CA10: variants seen among roughly 807,000 people sequenced by gnomAD.
CA10 encodes the protein carbonic anhydrase 10 (inactive), also known as carbonic anhydrase-related protein 10.
In CA10, 14 loss-of-function variants were observed where a neutral mutation model predicts 44.2. That is an observed-to-expected ratio of 0.32 (90% confidence interval 0.21 to 0.50). CA10 has a LOEUF of 0.50. Ranked by LOEUF, CA10 falls within the 20% of genes least tolerant of loss-of-function variation. The pLI, the probability that CA10 is intolerant of heterozygous loss-of-function variation, is 0.99. For missense variants in CA10, 350 were observed against 409.7 expected, an observed-to-expected ratio of 0.85 and a Z score of 1.26; for synonymous variants, 159 against 141.6, an observed-to-expected ratio of 1.12 and a Z score of -0.87.
intron 3 of CA10, among the ~76,000 whole-genome samples, chr17:51,774,453 T>G (rs1448391674): frequency 1.3e-5 from 2 of 151,738 alleles, no homozygotes; most frequent in African/African-American, 4.8e-5. Context: ...GTCTTTTTTT[T>G]TTTTGAGGTG....
intron 3 of CA10, among the ~76,000 whole-genome samples, chr17:51,896,874 G>T (rs1425551834): frequency 6.6e-6 from 1 of 152,016 alleles, no homozygotes; most frequent in African/African-American, 2.4e-5. Flanking sequence ...TTGGCCATGT[G>T]TATGTCTTCT....
intron 4 of CA10, among the ~76,000 whole-genome samples, chr17:51,742,554 C>A (rs374789915): frequency 5.9e-5 from 9 of 152,152 alleles, no homozygotes; most frequent in African/African-American, 2.2e-4. Flanking sequence ...TAATTGATTC[C>A]TGGAAGAGGA....
chr17:51,995,942 T>C lies in CA10; in HGVS notation c.137-64810A>G, dbSNP rs959435037. Among the ~76,000 whole-genome samples the C allele has an allele frequency of 3.3e-5, 5 of 152,004 alleles. No individual in the cohort carries two copies. In the East Asian group the frequency reaches 9.7e-4, roughly 29 times the overall value. Reference sequence around the variant, plus strand: ...TCTCTCAATCAACTTCCCATCATTCTCTCTGGAGTCTTCAGAACTCACTAT... The same window carrying C: ...TCTCTCAATCAACTTCCCATCATTCCCTCTGGAGTCTTCAGAACTCACTAT... On this transcript the variant is annotated intron_variant, in intron 2 of 8. Coordinates refer to ENST00000451037, the MANE Select transcript of CA10 (RefSeq NM_020178.5).
intron 3 of CA10, among the ~76,000 whole-genome samples, chr17:51,872,102 T>A (rs1033236349): frequency 4.6e-5 from 7 of 152,178 alleles, no homozygotes; most frequent in Non-Finnish European, 8.8e-5. Flanking sequence ...AACAGCACGT[T>A]AAAGACAGAG....
intron 3 of CA10, among the ~76,000 whole-genome samples, chr17:51,805,325 A>G (rs960474067): frequency 2.0e-5 from 3 of 152,242 alleles, no homozygotes; most frequent in Non-Finnish European, 2.9e-5. Context: ...TGATTGAGTA[A>G]AAGTCTCTCC....
chr17:51,822,422 CAAAACAAAAACAAAAACA>C (rs138516693), intron 3 of CA10, among the ~76,000 whole-genome samples: 1 of 150,430 alleles, frequency 6.6e-6, no homozygotes, highest in Admixed American at 6.6e-5. Context: ...CTCAAAAAAA[CAAAACAAAAACAAAAACA>C]AAAACAAAAA....
chr17:51,686,086 G>GGC (rs1255522155), intron 4 of CA10, among the ~76,000 whole-genome samples: 2 of 113,066 alleles, frequency 1.8e-5, no homozygotes, highest in African/African-American at 9.6e-5. Context: ...ATCATGGGTC[G>GGC]GGGGGGGCGT....
At chr17:52,025,174 AAT>A (rs1401763598) in intron 2 of CA10, among the ~76,000 whole-genome samples, 1 of 152,088 alleles carries the variant, frequency 6.6e-6, no homozygotes, top group Non-Finnish European at 1.5e-5. Context: ...ACTGCTTTTA[AAT>A]ATGTTTTCTA....
intron 1 of CA10, among the ~76,000 whole-genome samples, chr17:52,096,488 G>A (rs1988404450): frequency 6.6e-6 from 1 of 152,112 alleles, no homozygotes; most frequent in Admixed American, 6.6e-5. Flanking sequence ...AATTGGCTCT[G>A]AGGACAGAGC....
At chr17:51,881,927 G>A (rs562927783) in intron 3 of CA10, among the ~76,000 whole-genome samples, 9 of 152,246 alleles carry the variant, frequency 5.9e-5, no homozygotes, top group African/African-American at 2.2e-4. Context: ...TATCCTATTG[G>A]AATGCTTGCT....
At position 52,113,012 on chromosome 17, in the gene CA10, C is replaced by A. The variant is rs139337258; in HGVS notation, c.62-40619G>T. 1.4e-3 allele frequency among the ~76,000 whole-genome samples: 210 copies of A among 152,328 alleles called. 1 individual carries two copies. Among genetic ancestry groups the A allele is most frequent in the African/African-American group, 4.6e-3 (190 of 41,580 alleles). Reference sequence around the variant, plus strand: ...TCAAGCAGAGATTTCAAACCTCCTTCTTCTGTCTAAAATATTTAATGGCCA... The same window carrying A: ...TCAAGCAGAGATTTCAAACCTCCTTATTCTGTCTAAAATATTTAATGGCCA... On this transcript the variant is annotated intron_variant, in intron 1 of 8. Transcript: ENST00000451037.
chr17:51,648,081 G>T (rs772924873), intron 6 of CA10, among the ~76,000 whole-genome samples: 1 of 152,208 alleles, frequency 6.6e-6, no homozygotes, highest in Non-Finnish European at 1.5e-5. Context: ...GGGCAGGCAT[G>T]CAGGAAATGT....
intron 2 of CA10, among the ~76,000 whole-genome samples, chr17:52,013,310 T>A (rs990818744): frequency 2.0e-5 from 3 of 151,802 alleles, no homozygotes; most frequent in East Asian, 1.9e-4. Flanking sequence ...AAAGACAACA[T>A]ATTTATAATA....
chr17:51,737,180 A>G (rs1386736158), intron 4 of CA10, among the ~76,000 whole-genome samples: 6 of 152,190 alleles, frequency 3.9e-5, no homozygotes, highest in Non-Finnish European at 8.8e-5. Flanking sequence ...TGGACCAACC[A>G]TGCAACTGAA....
At chr17:52,009,598 C>T (rs1488659389) in intron 2 of CA10, among the ~76,000 whole-genome samples, 1 of 151,934 alleles carries the variant, frequency 6.6e-6, no homozygotes, top group Non-Finnish European at 1.5e-5. Flanking sequence ...TTTAGAATAC[C>T]TCTAAAGCAA....
intron 4 of CA10, among the ~76,000 whole-genome samples, chr17:51,716,705 G>A (rs946963469): frequency 1.2e-4 from 19 of 152,128 alleles, no homozygotes; most frequent in African/African-American, 4.6e-4. Context: ...AATTATTTAA[G>A]CATGTGCCGT....
At chr17:51,648,184 T>C (rs9902238) in intron 6 of CA10, among the ~76,000 whole-genome samples, 15,133 of 152,230 alleles carry the variant, frequency 0.099, 1,077 homozygotes, top group African/African-American at 0.2. Context: ...CATTTTTTTT[T>C]CTTCACATCA....
chr17:51,834,411 T>G (rs1908399725), intron 3 of CA10, among the ~76,000 whole-genome samples: 1 of 152,374 alleles, frequency 6.6e-6, no homozygotes, highest in South Asian at 2.1e-4. Context: ...CCTCAGATTC[T>G]CTGTTCATGC....
At chr17:52,027,351 T>C (rs1229538268) in intron 2 of CA10, among the ~76,000 whole-genome samples, 1 of 151,944 alleles carries the variant, frequency 6.6e-6, no homozygotes, top group Non-Finnish European at 1.5e-5. Context: ...GGCCTCTGAC[T>C]GGTATGGGGG....
Sources: allele counts gnomAD v4.1 joint callset (sites outside exome capture counted in the v4.1 genomes callset), GRCh38; gene constraint gnomAD v4.1.1; transcripts MANE v1.5; gene names NCBI Gene and HGNC (gene_info 2026-07-23, HGNC 2026-07-21).